Variants in CNTNAP2 observed in about 807,000 individuals in gnomAD.
The protein encoded by CNTNAP2 is contactin associated protein 2, also known as contactin-associated protein-like 2.
CNTNAP2 carries 98 observed loss-of-function variants against 155.2 expected under a neutral mutation model. The ratio of observed to expected loss-of-function variants is 0.63; its 90% CI spans 0.54 to 0.75. The LOEUF is 0.75. Among genes scored for constraint, CNTNAP2 ranks in the 30% least tolerant of loss-of-function variants. The pLI, the probability that CNTNAP2 is intolerant of heterozygous loss-of-function variation, is 0.00. For missense variants in CNTNAP2, 1,727 were observed against 1,688.1 expected, an observed-to-expected ratio of 1.02 and a Z score of -0.40; for synonymous variants, 651 against 631.2, an observed-to-expected ratio of 1.03 and a Z score of -0.47.
At chr7:147,453,733 T>C (rs1797873261) in intron 10 of CNTNAP2, among the ~76,000 whole-genome samples, 1 of 152,066 alleles carries the variant, frequency 6.6e-6, no homozygotes, top group Admixed American at 6.6e-5. Context: ...CAAACTCCCA[T>C]GACACAAGTT....
chr7:146,920,938 G>C (rs1796485785), intron 3 of CNTNAP2, among the ~76,000 whole-genome samples: 1 of 152,138 alleles, frequency 6.6e-6, no homozygotes, highest in South Asian at 2.1e-4. Context: ...TCAGAGAATA[G>C]TGCTGTAAAG....
intron 1 of CNTNAP2, among the ~76,000 whole-genome samples, chr7:146,218,607 T>C (rs1436860752): frequency 6.6e-6 from 1 of 152,172 alleles, no homozygotes; most frequent in Non-Finnish European, 1.5e-5. Context: ...TTTCTTTTTT[T>C]TCCCCTGTGG....
chr7:147,223,906 A>T (rs1803462301), intron 8 of CNTNAP2, among the ~76,000 whole-genome samples: 2 of 149,774 alleles, frequency 1.3e-5, no homozygotes, highest in African/African-American at 4.9e-5. Flanking sequence ...CAGCCACTGC[A>T]CTCCAGCCTG....
intron 13 of CNTNAP2, among the ~76,000 whole-genome samples, chr7:147,799,061 C>G (rs902496013): frequency 3.3e-5 from 5 of 152,170 alleles, no homozygotes; most frequent in Admixed American, 1.3e-4. Flanking sequence ...CTTCCCATAA[C>G]CCATGTGCTA....
intron 13 of CNTNAP2, among the ~76,000 whole-genome samples, chr7:147,644,276 A>C (rs1795330009): frequency 1.3e-5 from 2 of 152,114 alleles, no homozygotes; most frequent in Non-Finnish European, 2.9e-5. Context: ...TTAACTTATG[A>C]AGGGCTAAAT....
intron 13 of CNTNAP2, among the ~76,000 whole-genome samples, chr7:147,877,725 G>T (rs73743351): frequency 0.051 from 7,650 of 151,402 alleles, 643 homozygotes; most frequent in African/African-American, 0.18. Flanking sequence ...GTTGTGTCTG[G>T]TTTTTTTTCA....
chr7:146,316,077 A>G lies in CNTNAP2; in HGVS notation c.97+199104A>G, dbSNP rs1158727095. Among the ~76,000 whole-genome samples the G allele has an allele frequency of 2.6e-5, 4 of 152,292 alleles. No homozygotes were observed. In the East Asian group the frequency reaches 7.7e-4, roughly 29 times the overall value. On this transcript the variant is annotated intron_variant, in intron 1 of 23. Coordinates refer to ENST00000361727, the MANE Select transcript of CNTNAP2 (RefSeq NM_014141.6). ...GATTTAATTTTAGACAATGCCTTTT[A>G]ATCTTTTTATTTCATTTTAAGTTAA...
chr7:147,126,559 C>T (rs1303977822), intron 6 of CNTNAP2, among the ~76,000 whole-genome samples: 9 of 152,138 alleles, frequency 5.9e-5, no homozygotes, highest in Admixed American at 1.3e-4. Flanking sequence ...CCGCAATCTC[C>T]GCCTCCTGGG....
chr7:147,386,302 T>C (rs1796624707), intron 9 of CNTNAP2, among the ~76,000 whole-genome samples: 1 of 152,182 alleles, frequency 6.6e-6, no homozygotes, highest in African/African-American at 2.4e-5. Context: ...CTTATGCAAA[T>C]TTCTGTAGCA....
At chr7:147,755,269 G>T (rs1797197660) in intron 13 of CNTNAP2, among the ~76,000 whole-genome samples, 1 of 152,272 alleles carries the variant, frequency 6.6e-6, no homozygotes, top group Admixed American at 6.5e-5. Context: ...ACATGAGGTA[G>T]ATTTGAAGAA....
In CNTNAP2 at chr7:147,469,506, A is replaced by ATT. The variant is rs71527812; in HGVS notation, c.1671-16404_1671-16403dup. ...CAGAGCACCAGGATGTCAGGCTGCA[A>ATT]TTTTTTTTTTTTTTTTTTTTTTTTT... is the stretch of plus-strand genomic sequence containing the variant. On this transcript the variant is annotated intron_variant, in intron 10 of 23. Transcript: ENST00000361727. Among the ~76,000 whole-genome samples the ATT allele has an allele frequency of 3.7e-3, 289 of 79,118 alleles. 27 individuals carry two copies. Among genetic ancestry groups the ATT allele is most frequent in the African/African-American group, 0.012 (242 of 20,290 alleles). 51.9% of individuals were successfully genotyped at this position (79,118 alleles called of 152,430 possible).
chr7:146,398,184 C>CTTTTTTTTTTTTTTT (rs34144986), intron 1 of CNTNAP2, among the ~76,000 whole-genome samples: 3 of 107,050 alleles, frequency 2.8e-5, no homozygotes, highest in African/African-American at 1.2e-4. Flanking sequence ...CGGCCCCAAA[C>CTTTTTTTTTTTTTTT]TTTTTTTTTT....
chr7:147,251,675 T>G (rs1242239939), intron 8 of CNTNAP2, among the ~76,000 whole-genome samples: 2 of 152,196 alleles, frequency 1.3e-5, no homozygotes, highest in East Asian at 3.9e-4. Context: ...GACTGTGCAC[T>G]GCTCATGATA....
At chr7:146,133,940 A>G (rs1409534595) in intron 1 of CNTNAP2, among the ~76,000 whole-genome samples, 5 of 151,204 alleles carry the variant, frequency 3.3e-5, no homozygotes, top group East Asian at 2.0e-4. Flanking sequence ...GTTTTTTCCA[A>G]TTCTGTGAAG....
chr7:147,560,439 C>T (rs1354606303), intron 11 of CNTNAP2, among the ~76,000 whole-genome samples: 1 of 152,080 alleles, frequency 6.6e-6, no homozygotes, highest in Non-Finnish European at 1.5e-5. Context: ...TTTTATTGTA[C>T]TGTTTTACTT....
At chr7:147,033,384 A>G (rs571664615) in intron 3 of CNTNAP2, among the ~76,000 whole-genome samples, 98 of 151,404 alleles carry the variant, frequency 6.5e-4, no homozygotes, top group South Asian at 4.2e-4. Flanking sequence ...TTTTCTTTTT[A>G]TCCCATGATC....
Position 147,294,258 on chromosome 7 carries a change from T to A in CNTNAP2, c.1349-5883T>A, listed in dbSNP as rs566632239. On this transcript the variant is annotated intron_variant, in intron 8 of 23. Coordinates refer to ENST00000361727, the MANE Select transcript of CNTNAP2 (RefSeq NM_014141.6). ...GGCCTAAGTGAAGATGTCAATAATA[T>A]TTATGTGTTTTTCAGATTACATACA... Among the ~76,000 whole-genome samples, 9 of 152,370 alleles carry A rather than the reference T, an allele frequency of 5.9e-5. No homozygotes were observed. In the South Asian group the frequency reaches 1.0e-3, roughly 18 times the overall value.
At chr7:148,246,860 G>C (rs1171811854) in intron 20 of CNTNAP2, among the ~76,000 whole-genome samples, 2 of 152,202 alleles carry the variant, frequency 1.3e-5, no homozygotes, top group Non-Finnish European at 2.9e-5. Context: ...GGAAGTTCTA[G>C]ACTCACAGGG....
chr7:147,915,685 T>C (rs1800146453), intron 14 of CNTNAP2, among the ~76,000 whole-genome samples: 1 of 149,712 alleles, frequency 6.7e-6, no homozygotes. Context: ...TTGTTCATTT[T>C]CATTCAGTTA....
Sources: gnomAD v4.1 joint callset for allele counts (sites outside exome capture counted in the v4.1 genomes callset) on GRCh38, gnomAD v4.1.1 for gene constraint, MANE v1.5 for transcripts, NCBI Gene and HGNC (gene_info 2026-07-23, HGNC 2026-07-21) for gene names.